AFDN: variants seen among roughly 807,000 people sequenced by gnomAD.
AFDN encodes the protein afadin, adherens junction formation factor.
In AFDN, 68 loss-of-function variants were observed where a neutral mutation model predicts 216.6. That is an observed-to-expected ratio of 0.31 (90% CI 0.26 to 0.38). The LOEUF (loss-of-function observed/expected upper bound fraction) is 0.38, where lower values mean the gene tolerates loss of function less well. Ranked by LOEUF, AFDN falls within the 10% of genes least tolerant of loss-of-function variation. AFDN has a pLI of 1.00. For missense variants in AFDN, 2,136 were observed against 2,342.0 expected (o/e 0.91, Z 1.82); for synonymous variants, 868 against 853.7 (o/e 1.02, Z -0.29).
chr6:167,963,035 TAAAGAGAGC>T (rs1797194983), intron 31 of AFDN: 1 of 1,075,974 alleles, frequency 9.3e-7, no homozygotes, highest in South Asian at 4.4e-5. Flanking sequence ...TGGTTGATGG[TAAAGAGAGC>T]AGATGGCTTA....
At chr6:167,862,656 T>G (rs1783727006) in intron 1 of AFDN, among the ~76,000 whole-genome samples, 2 of 152,360 alleles carry the variant, frequency 1.3e-5, no homozygotes, top group Admixed American at 1.3e-4. Flanking sequence ...ATTACAGGCA[T>G]GGGCCACCGT....
chr6:167,944,101 C>A, intron 26 of AFDN, 42 bp downstream of exon 26: 1 of 1,478,734 alleles, frequency 6.8e-7, no homozygotes, highest in Non-Finnish European at 9.4e-7. Flanking sequence ...ACAGTCATGG[C>A]CTCTTTGAAT....
chr6:167,880,637 C>A, intron 6 of AFDN, 120 bp downstream of exon 6: 1 of 962,816 alleles, frequency 1.0e-6, no homozygotes, highest in African/African-American at 1.7e-5. Flanking sequence ...TGATAATTTA[C>A]AAATCATGTG....
intron 1 of AFDN, among the ~76,000 whole-genome samples, chr6:167,845,866 C>A (rs1781613878): frequency 6.6e-6 from 1 of 152,158 alleles, no homozygotes; most frequent in African/African-American, 2.4e-5. Context: ...GAATCAGTTC[C>A]ACATGGCTGG....
At chr6:167,927,562 C>T (rs893725133) in intron 23 of AFDN, among the ~76,000 whole-genome samples, 1 of 152,092 alleles carries the variant, frequency 6.6e-6, no homozygotes, top group Non-Finnish European at 1.5e-5. Flanking sequence ...ATTAGAAGAA[C>T]CTGGGACGAA....
intron 6 of AFDN, among the ~76,000 whole-genome samples, chr6:167,886,870 T>C (rs1786885916): frequency 6.6e-6 from 1 of 151,792 alleles, no homozygotes; most frequent in African/African-American, 2.4e-5. Context: ...CAAAAATTAA[T>C]TGGGCATGGT....
Position 167,925,056 on chromosome 6 carries a change from CA to C in AFDN, c.3065del (p.Gln1022ArgfsTer19). The C allele has an allele frequency of 6.2e-7, 1 of 1,613,918 alleles. No homozygotes were observed. Among genetic ancestry groups the C allele is most frequent in the Non-Finnish European group, 8.5e-7 (1 of 1,179,820 alleles). ...PEIITVTLKK[Q>X]NGMGLSIVAA... ...AATAATCACTGTGACCCTAAAAAAG[CA>C]GAATGGAATGGGCCTTAGCATTGTT... On this transcript the variant is annotated frameshift_variant, in exon 23 of 34. Coordinates refer to ENST00000683244, the MANE Select transcript of AFDN (RefSeq NM_001386888.1). LOFTEE classifies it high-confidence loss of function.
At chr6:167,858,884 A>G (rs1296137934) in intron 1 of AFDN, among the ~76,000 whole-genome samples, 1 of 152,132 alleles carries the variant, frequency 6.6e-6, no homozygotes, top group Non-Finnish European at 1.5e-5. Context: ...ATTTTTAGAG[A>G]AAATTATTTT....
chr6:167,936,066 G>A (rs748554073), intron 23 of AFDN, among the ~76,000 whole-genome samples: 6 of 152,036 alleles, frequency 3.9e-5, no homozygotes, highest in Non-Finnish European at 5.9e-5. Context: ...TAATACATCA[G>A]AAATGTTATT....
At chr6:167,878,607 G>GTC (rs10677317) in intron 5 of AFDN, among the ~76,000 whole-genome samples, 18 of 149,244 alleles carry the variant, frequency 1.2e-4, no homozygotes, top group African/African-American at 1.5e-4. Flanking sequence ...CTCTCTCTCT[G>GTC]TCTCTCTCTC....
chr6:167,833,011 A>T (rs538068712), intron 1 of AFDN, among the ~76,000 whole-genome samples: 1 of 150,802 alleles, frequency 6.6e-6, no homozygotes, highest in East Asian at 1.9e-4. Context: ...CTTTAACTCT[A>T]GGTATGAACA....
rs148036520 is a variant in AFDN at position 167,841,448 on chromosome 6, G to T, written c.105+14211G>T. ...TCTTGTGGGCTGGGGAAGGGGAACT[G>T]GCTAAGTGTACTGGAAGGGAATGGG... On this transcript the variant is annotated intron_variant, in intron 1 of 33. Coordinates refer to ENST00000683244, the MANE Select transcript of AFDN (RefSeq NM_001386888.1). Among the ~76,000 whole-genome samples the T allele has an allele frequency of 3.9e-3, 593 of 152,088 alleles. 3 individuals are homozygous for T. The highest frequency in any genetic ancestry group is 0.014 in the African/African-American group (571 of 41,488).
rs759204443 is a variant in AFDN at position 167,907,172 on chromosome 6, G to C, written c.1652G>C (p.Ser551Thr). The C allele has an allele frequency of 1.2e-6, 2 of 1,612,888 alleles. No homozygotes were observed. The highest frequency in any genetic ancestry group is 1.7e-5 in the Admixed American group (1 of 59,918). Residue 551 changes from serine to threonine, a missense_variant and splice_region_variant, in exon 13 of 34, where the codon AGC becomes ACC. By Grantham distance (58) the Ser-to-Thr change is moderately conservative. This residue lies in a region of AFDN where 817 missense variants were observed against 965.7 expected (regional missense o/e 0.85). Coordinates refer to ENST00000683244, the MANE Select transcript of AFDN (RefSeq NM_001386888.1). ...HSGTALPTSKSTTRLDSDRVS... is the reference protein window; with the variant it reads ...HSGTALPTSKTTTRLDSDRVS... ...CCGTTGTGCTTTCTCTCCATGTAGA[G>C]CACCACTAGGCTGGACAGCGACAGA...
intron 23 of AFDN, among the ~76,000 whole-genome samples, chr6:167,938,914 C>G (rs894926733): frequency 6.6e-6 from 1 of 152,178 alleles, no homozygotes; most frequent in Non-Finnish European, 1.5e-5. Context: ...GCAGCACCAA[C>G]TGTGTGTGCA....
chr6:167,924,911 C>T (rs1358379858), intron 22 of AFDN, 94 bp from the exon 23 acceptor site: 1 of 888,488 alleles, frequency 1.1e-6, no homozygotes, highest in Non-Finnish European at 1.9e-6. Flanking sequence ...CCCATTTGCT[C>T]CAGTGAACAT....
intron 4 of AFDN, among the ~76,000 whole-genome samples, chr6:167,873,503 C>T (rs539101086): frequency 5.9e-5 from 9 of 152,128 alleles, no homozygotes; most frequent in South Asian, 4.1e-4. Flanking sequence ...ATAAATGTTC[C>T]AGTGAATATC....
At position 167,943,385 on chromosome 6, in the gene AFDN, C is replaced by T. The variant is rs776894262; in HGVS notation, c.3166-17C>T. ...TCTCTACCCCTAATCCATGCACACACCTGTGGATTTGCCTAGGATGGACGT... is the reference window on the plus strand; with the variant it reads ...TCTCTACCCCTAATCCATGCACACATCTGTGGATTTGCCTAGGATGGACGT... On this transcript the variant is annotated splice_polypyrimidine_tract_variant and intron_variant, in intron 24 of 33. Transcript: ENST00000683244. The T allele has an allele frequency of 1.2e-6, 2 of 1,611,668 alleles. No individual in the cohort carries two copies. Among genetic ancestry groups the T allele is most frequent in the East Asian group, 2.2e-5 (1 of 44,880 alleles).
intron 30 of AFDN, among the ~76,000 whole-genome samples, chr6:167,958,551 A>G (rs79103580): frequency 0.016 from 2,401 of 152,294 alleles, 68 homozygotes; most frequent in African/African-American, 0.055. Flanking sequence ...TCATCTGCTG[A>G]CTCAGAAAAC....
At position 167,969,152 on chromosome 6, in the gene AFDN, G is replaced by A; in HGVS notation, c.5296G>A (p.Gly1766Arg). 6.2e-7 allele frequency: 1 copy of A among 1,613,974 alleles called. No homozygotes were observed. The highest frequency in any genetic ancestry group is 1.7e-5 in the Admixed American group (1 of 60,026). Residue 1766 changes from glycine to arginine, a missense_variant, in exon 33 of 34, where the codon GGA (glycine) becomes AGA (arginine). By Grantham distance (125) the Gly-to-Arg change is moderately radical (BLOSUM62 -2). Transcript: ENST00000683244. ...SYPGSTGAAV[G>R]AHDACRDAKE... ...CCCAGGATCTACTGGAGCAGCTGTT[G>A]GAGCCCATGACGCCTGTCGGGATGC...
Sources: allele counts gnomAD v4.1 joint callset (sites outside exome capture counted in the v4.1 genomes callset), GRCh38; gene constraint gnomAD v4.1.1; regional missense constraint gnomAD v4.1.1; transcripts MANE v1.5; gene names NCBI Gene and HGNC (gene_info 2026-07-23, HGNC 2026-07-21).